The following TANC1 variants were observed in gnomAD, a reference collection of about 807,000 sequenced individuals.
TANC1 encodes tetratricopeptide repeat, ankyrin repeat and coiled-coil containing 1.
A neutral mutation model predicts 149.7 loss-of-function variants in TANC1; 77 were observed. The ratio of observed to expected loss-of-function variants is 0.51; its 90% CI spans 0.43 to 0.62. The LOEUF (loss-of-function observed/expected upper bound fraction) is 0.62, where lower values mean the gene tolerates loss of function less well. Ranked by LOEUF, TANC1 falls within the 20% of genes least tolerant of loss-of-function variation. The pLI is 0.00. For synonymous variants in TANC1, 854 were observed against 925.0 expected (o/e 0.92, Z 1.39); for missense variants, 1,985 against 2,321.8 (o/e 0.85, Z 2.98).
At chr2:159,090,135 G>A (rs1364930539) in intron 3 of TANC1, among the ~76,000 whole-genome samples, 1 of 152,134 alleles carries the variant, frequency 6.6e-6, no homozygotes, top group African/African-American at 2.4e-5. Flanking sequence ...CTACTGGTTC[G>A]ATGTGTATCC....
rs57208685 is a variant in TANC1 at position 159,046,589 on chromosome 2, CTTTTTTTTTTTT to C, written c.-15-19290_-15-19279del. ...ATGCACCATTCTTTTCTTTTCTTTA[CTTTTTTTTTTTT>C]TTTTTTTTTTTTTTTTGAGGCAGGG... On this transcript the variant is annotated intron_variant, in intron 2 of 26. Transcript: ENST00000263635. 3.4e-3 allele frequency among the ~76,000 whole-genome samples: 283 copies of C among 84,386 alleles called. 2 individuals carry two copies. The highest frequency in any genetic ancestry group is 0.012 in the African/African-American group (222 of 18,362). 55.4% of individuals were successfully genotyped at this position (84,386 alleles called of 152,430 possible). A position where few individuals can be genotyped will look rare whatever the true frequency, so the allele number is the denominator to read the frequency against.
At chr2:159,196,048 C>A (rs1027040386) in intron 17 of TANC1, among the ~76,000 whole-genome samples, 10 of 152,160 alleles carry the variant, frequency 6.6e-5, no homozygotes, top group Admixed American at 6.5e-4. Flanking sequence ...TGGCCGCCCC[C>A]CCTTTACTTG....
At chr2:159,221,271 C>T (rs1226692150) in intron 22 of TANC1, among the ~76,000 whole-genome samples, 1 of 152,106 alleles carries the variant, frequency 6.6e-6, no homozygotes, top group Non-Finnish European at 1.5e-5. Context: ...ATCCCAGCTA[C>T]TCAGAAGGGT....
chr2:159,005,112 T>C (rs1289118844), intron 2 of TANC1, among the ~76,000 whole-genome samples: 2 of 152,218 alleles, frequency 1.3e-5, no homozygotes, highest in Admixed American at 6.5e-5. Flanking sequence ...TTTTCTGCCC[T>C]GGGTGGGCCA....
rs1441289278 is a variant in TANC1, at chr2:159,228,940, T to G, written c.4151+44T>G. On this transcript the variant is annotated intron_variant, in intron 26 of 26. Coordinates refer to ENST00000263635, the MANE Select transcript of TANC1 (RefSeq NM_033394.3). ...TTTGTGTCTAGAGCTTTTTTTCTTG[T>G]GGGATCAAACCTGCCTGTTGAATTT... The G allele has an allele frequency of 3.3e-6, 5 of 1,516,468 alleles. No homozygotes were observed. In the East Asian group the frequency reaches 1.1e-4, roughly 34 times the overall value. The allele number at this position is 1,516,468 out of a possible 1,614,324, so 93.9% of individuals were successfully genotyped here. A position where few individuals can be genotyped will look rare whatever the true frequency, so the allele number is the denominator to read the frequency against.
intron 3 of TANC1, among the ~76,000 whole-genome samples, chr2:159,084,399 T>G (rs1444068038): frequency 6.6e-6 from 1 of 152,206 alleles, no homozygotes; most frequent in African/African-American, 2.4e-5. Context: ...GTTGGTAGTA[T>G]TTTTGAACAT....
chr2:159,149,451 G>A, intron 6 of TANC1, 179 bp downstream of exon 6: 2 of 787,954 alleles, frequency 2.5e-6, no homozygotes, highest in Non-Finnish European at 4.1e-6. Flanking sequence ...GGGAGGTAGG[G>A]AAAAGCAGAA....
chr2:159,042,858 G>A lies in TANC1; in HGVS notation c.-15-23038G>A, dbSNP rs189714228. Among the ~76,000 whole-genome samples the A allele has an allele frequency of 4.8e-3, 731 of 152,242 alleles. 8 individuals are homozygous for A. Among genetic ancestry groups the A allele is most frequent in the African/African-American group, 0.016 (660 of 41,548 alleles). On this transcript the variant is annotated intron_variant, in intron 2 of 26. Transcript: ENST00000263635. ...GGTGAGGCAGGAGATAGGGGAAGGAGGTGCTTAGGAGGACTTCAGCATGCT... is the reference window on the plus strand; with the variant it reads ...GGTGAGGCAGGAGATAGGGGAAGGAAGTGCTTAGGAGGACTTCAGCATGCT...
intron 3 of TANC1, among the ~76,000 whole-genome samples, chr2:159,077,786 A>T (rs2043848648): frequency 6.6e-6 from 1 of 152,220 alleles, no homozygotes. Context: ...ATCTCCTTGT[A>T]CATAACTGCC....
chr2:158,979,246 T>G (rs892529928), intron 1 of TANC1, among the ~76,000 whole-genome samples: 2 of 152,070 alleles, frequency 1.3e-5, no homozygotes, highest in African/African-American at 4.8e-5. Flanking sequence ...TCTAGTACTT[T>G]GGGAGGCTGA....
chr2:159,064,226 C>T (rs949494157), intron 2 of TANC1, among the ~76,000 whole-genome samples: 1 of 152,106 alleles, frequency 6.6e-6, no homozygotes, highest in African/African-American at 2.4e-5. Flanking sequence ...TCCATCGGTT[C>T]CATATGGAAA....
chr2:159,202,602 CA>C (rs901139734), intron 19 of TANC1, among the ~76,000 whole-genome samples: 4 of 152,116 alleles, frequency 2.6e-5, no homozygotes, highest in Non-Finnish European at 5.9e-5. Context: ...CACCCTCAAA[CA>C]AAAGGCCCTA....
At chr2:159,195,536 C>T in intron 17 of TANC1, among the ~76,000 whole-genome samples, 1 of 149,882 alleles carries the variant, frequency 6.7e-6, no homozygotes, top group East Asian at 1.9e-4. Flanking sequence ...TAGAGATAAA[C>T]TGCTAATTAT....
At chr2:159,126,598 T>G (rs2049477158) in intron 4 of TANC1, among the ~76,000 whole-genome samples, 1 of 152,250 alleles carries the variant, frequency 6.6e-6, no homozygotes, top group African/African-American at 2.4e-5. Flanking sequence ...TGGTTGGTGA[T>G]AAGGATAGCT....
At chr2:159,176,907 A>ATT (rs10647127) in intron 13 of TANC1, among the ~76,000 whole-genome samples, 12,500 of 101,502 alleles carry the variant, frequency 0.12, 1,166 homozygotes, top group Middle Eastern at 0.24. Context: ...AAGGTGAAAG[A>ATT]TTTTTTTTTT....
At chr2:159,197,105 T>C (rs2150724296) in intron 18 of TANC1, among the ~76,000 whole-genome samples, 1 of 152,336 alleles carries the variant, frequency 6.6e-6, no homozygotes, top group East Asian at 1.9e-4. Flanking sequence ...TTAAATTTTT[T>C]CCCCTTTGAT....
intron 3 of TANC1, among the ~76,000 whole-genome samples, chr2:159,069,021 A>T (rs541014846): frequency 3.9e-4 from 59 of 152,300 alleles, no homozygotes; most frequent in Non-Finnish European, 7.2e-4. Context: ...GATTACAAAT[A>T]TGAGCCACTG....
chr2:159,216,900 T>G (rs2059385844), intron 19 of TANC1, among the ~76,000 whole-genome samples: 1 of 152,192 alleles, frequency 6.6e-6, no homozygotes, highest in South Asian at 2.1e-4. Flanking sequence ...ATTTTATGAT[T>G]TTAGGGTAAG....
At chr2:159,147,143 T>C (rs2052221361) in intron 5 of TANC1, among the ~76,000 whole-genome samples, 1 of 152,150 alleles carries the variant, frequency 6.6e-6, no homozygotes. Flanking sequence ...CTCCTGCAGC[T>C]GCTCTCTCTG....
Sources: allele counts gnomAD v4.1 joint callset (sites outside exome capture counted in the v4.1 genomes callset), GRCh38; gene constraint gnomAD v4.1.1; transcripts MANE v1.5; gene names NCBI Gene and HGNC (gene_info 2026-07-23, HGNC 2026-07-21).